Variants in MGAT4C observed in about 807,000 individuals in gnomAD.
MGAT4C encodes MGAT4 family member C.
MGAT4C carries 19 observed loss-of-function variants against 40.1 expected under a neutral mutation model. That is an observed-to-expected ratio of 0.47 (90% CI 0.33 to 0.70). The LOEUF (loss-of-function observed/expected upper bound fraction) is 0.70. Among genes scored for constraint, MGAT4C ranks in the 30% least tolerant of loss-of-function variants. The pLI is 0.02. For missense variants in MGAT4C, 491 were observed against 563.2 expected, an observed-to-expected ratio of 0.87 and a Z score of 1.30; for synonymous variants, 181 against 187.1, an observed-to-expected ratio of 0.97 and a Z score of 0.27.
chr12:86,739,757 G>C (rs1565957914), intron 1 of MGAT4C, among the ~76,000 whole-genome samples: 1 of 150,782 alleles, frequency 6.6e-6, no homozygotes, highest in Non-Finnish European at 1.5e-5. Context: ...TTTGTTATCT[G>C]CCTGGTGGTC....
chr12:86,837,117 G>T (rs1397985964), intron 1 of MGAT4C, among the ~76,000 whole-genome samples: 1 of 152,108 alleles, frequency 6.6e-6, no homozygotes, highest in African/African-American at 2.4e-5. Flanking sequence ...GGAGAAACCA[G>T]ACTGGGAGCA....
chr12:86,734,986 G>A (rs1267901279), intron 1 of MGAT4C, among the ~76,000 whole-genome samples: 1 of 151,942 alleles, frequency 6.6e-6, no homozygotes, highest in African/African-American at 2.4e-5. Flanking sequence ...ATTTAATTGC[G>A]GAACTTGGCC....
intron 1 of MGAT4C, among the ~76,000 whole-genome samples, chr12:86,190,019 A>T (rs1174351220): frequency 6.6e-6 from 1 of 152,036 alleles, no homozygotes; most frequent in Non-Finnish European, 1.5e-5. Context: ...ATAAGATTTC[A>T]TTTGATTGGA....
At chr12:86,834,210 A>T (rs1566022708) in intron 1 of MGAT4C, among the ~76,000 whole-genome samples, 1 of 144,944 alleles carries the variant, frequency 6.9e-6, no homozygotes, top group Non-Finnish European at 1.5e-5. Context: ...ATATAGATAT[A>T]GATATAGGTC....
intron 2 of MGAT4C, among the ~76,000 whole-genome samples, chr12:86,023,890 A>AT (rs971993986): frequency 2.0e-5 from 3 of 151,662 alleles, no homozygotes; most frequent in Non-Finnish European, 4.4e-5. Flanking sequence ...TTGAGAAATG[A>AT]TTTTTTTCTT....
intron 2 of MGAT4C, among the ~76,000 whole-genome samples, chr12:86,049,238 T>G (rs1205334977): frequency 6.6e-6 from 1 of 152,026 alleles, no homozygotes; most frequent in Non-Finnish European, 1.5e-5. Flanking sequence ...AATTGTAAGA[T>G]TCTAATGTTC....
chr12:86,300,697 C>T (rs1824715711), intron 4 of MGAT4C, among the ~76,000 whole-genome samples: 1 of 151,268 alleles, frequency 6.6e-6, no homozygotes, highest in African/African-American at 2.4e-5. Flanking sequence ...TATATATAAC[C>T]TGCCATGTAG....
intron 1 of MGAT4C, among the ~76,000 whole-genome samples, chr12:86,765,200 C>T (rs1001607812): frequency 5.9e-5 from 9 of 152,012 alleles, no homozygotes; most frequent in Non-Finnish European, 7.4e-5. Flanking sequence ...AGCCAAGGCT[C>T]GAGAACTACG....
At chr12:86,167,528 C>T (rs1886319760) in intron 1 of MGAT4C, among the ~76,000 whole-genome samples, 2 of 152,132 alleles carry the variant, frequency 1.3e-5, no homozygotes, top group Admixed American at 6.6e-5. Flanking sequence ...ATTTATTTGG[C>T]TCACAGTTCT....
At chr12:86,159,284 C>T (rs1401058250) in intron 1 of MGAT4C, among the ~76,000 whole-genome samples, 1 of 151,688 alleles carries the variant, frequency 6.6e-6, no homozygotes, top group African/African-American at 2.4e-5. Context: ...AGTATTGAGA[C>T]GATTATATTG....
chr12:85,981,952 T>TA (rs1171249639), intron 4 of MGAT4C, among the ~76,000 whole-genome samples: 4 of 152,116 alleles, frequency 2.6e-5, no homozygotes, highest in African/African-American at 9.7e-5. Flanking sequence ...ATGGCAGTCT[T>TA]AGACAATTAG....
intron 3 of MGAT4C, 88 bp downstream of exon 3, chr12:85,989,312 T>G: frequency 5.5e-6 from 7 of 1,278,992 alleles, no homozygotes; most frequent in Non-Finnish European, 6.3e-6. Context: ...TCCAATAGCT[T>G]GAGATTGAAG....
intron 2 of MGAT4C, among the ~76,000 whole-genome samples, chr12:86,573,537 C>T (rs1960448532): frequency 2.0e-5 from 3 of 152,050 alleles, no homozygotes; most frequent in Middle Eastern, 3.4e-3. Context: ...ACATGTAACC[C>T]ATTTTTATTG....
chr12:86,312,991 GAT>G (rs1311043288), intron 4 of MGAT4C, among the ~76,000 whole-genome samples: 1 of 151,944 alleles, frequency 6.6e-6, no homozygotes, highest in Non-Finnish European at 1.5e-5. Flanking sequence ...CTGGTTTTTT[GAT>G]ATGTGAAATT....
intron 1 of MGAT4C, among the ~76,000 whole-genome samples, chr12:86,078,116 C>T (rs1285521217): frequency 6.6e-6 from 1 of 152,118 alleles, no homozygotes; most frequent in Non-Finnish European, 1.5e-5. Context: ...ACCTCCACCC[C>T]TTGATTCCTG....
At position 85,980,061 on chromosome 12, in the gene MGAT4C, A is replaced by G. The variant is rs1253134473; in HGVS notation, c.665T>C (p.Met222Thr). Residue 222 changes from methionine (M) to threonine (T), a missense_variant, in exon 5 of 5, where the codon ATG (methionine) becomes ACG (threonine). Physicochemically the swap from Met to Thr is moderately conservative, Grantham distance 81. Transcript: ENST00000611864. ...FCANTSDYYV[M>T]LEDDVRCSKN... is the part of the protein sequence containing the mutation. ...TGAACATCGAACATCATCTTCAAGC[A>G]TTACATAATAGTCTGAAGTATTGGC... 1 of 1,613,772 alleles carries G rather than the reference A, an allele frequency of 6.2e-7. No individual in the cohort carries two copies.
intron 2 of MGAT4C, chr12:86,001,362 A>G (rs1887274904): frequency 6.6e-6 from 1 of 152,270 alleles, no homozygotes. Flanking sequence ...AAATCCCTTG[A>G]ATAAAGTCTA....
chr12:86,460,834 T>A (rs913021982), intron 2 of MGAT4C, among the ~76,000 whole-genome samples: 3 of 152,112 alleles, frequency 2.0e-5, no homozygotes, highest in African/African-American at 7.2e-5. Context: ...TTTAAAAAAA[T>A]TAATACTAAA....
intron 3 of MGAT4C, among the ~76,000 whole-genome samples, chr12:86,394,578 T>C (rs1030738495): frequency 1.7e-4 from 25 of 144,728 alleles, no homozygotes; most frequent in African/African-American, 6.0e-4. Flanking sequence ...TATTTATATA[T>C]GTGTATAAAA....
Sources: allele counts gnomAD v4.1 joint callset (sites outside exome capture counted in the v4.1 genomes callset), GRCh38; gene constraint gnomAD v4.1.1; transcripts MANE v1.5; gene names NCBI Gene and HGNC (gene_info 2026-07-23, HGNC 2026-07-21).